The following BTBD9 variants were observed in gnomAD, a reference collection of about 807,000 sequenced individuals.
BTBD9 encodes BTB domain containing 9.
BTBD9 carries 49 observed loss-of-function variants against 64.3 expected under a neutral mutation model. The observed-to-expected ratio is 0.76, with a 90% CI of 0.61 to 0.97. The LOEUF is 0.97. BTBD9 is among the 50% of genes least tolerant of loss of function. BTBD9 has a pLI of 0.00. For missense variants in BTBD9, 598 were observed against 762.1 expected (o/e 0.78, Z 2.53); for synonymous variants, 260 against 274.7 (o/e 0.95, Z 0.53).
intron 4 of BTBD9, among the ~76,000 whole-genome samples, chr6:38,591,025 CTCTCTGAATCA>C (rs1040940217): frequency 6.6e-6 from 1 of 152,142 alleles, no homozygotes; most frequent in Non-Finnish European, 1.5e-5. Flanking sequence ...CCTCACTGGT[CTCTCTGAATCA>C]GTTTTCCCCT....
At chr6:38,619,867 A>G (rs1777927437) in intron 1 of BTBD9, among the ~76,000 whole-genome samples, 1 of 152,180 alleles carries the variant, frequency 6.6e-6, no homozygotes, top group Non-Finnish European at 1.5e-5. Flanking sequence ...GTTATGCCTG[A>G]AAGTCCCACA....
intron 9 of BTBD9, among the ~76,000 whole-genome samples, chr6:38,205,747 G>A (rs1203720761): frequency 1.3e-5 from 2 of 151,538 alleles, no homozygotes; most frequent in African/African-American, 4.9e-5. Flanking sequence ...AGCCAGGCAT[G>A]GTGGTGCGCA....
At chr6:38,362,644 T>G (rs1765008880) in intron 6 of BTBD9, among the ~76,000 whole-genome samples, 2 of 152,216 alleles carry the variant, frequency 1.3e-5, no homozygotes, top group African/African-American at 4.8e-5. Flanking sequence ...TTAGACAGTG[T>G]TTCTTTCTTC....
At chr6:38,480,674 T>C (rs536058319) in intron 6 of BTBD9, among the ~76,000 whole-genome samples, 7 of 152,314 alleles carry the variant, frequency 4.6e-5, no homozygotes, top group Middle Eastern at 3.4e-3. Flanking sequence ...CCCACTGTTC[T>C]AAGTAATGGA....
At position 38,598,217 on chromosome 6, in the gene BTBD9, C is replaced by T. The variant is rs139144349; in HGVS notation, c.-27-96G>A. On this transcript the variant is annotated intron_variant, in intron 1 of 10. Coordinates refer to ENST00000481247, the MANE Select transcript of BTBD9 (RefSeq NM_001099272.2). Reference sequence around the variant, plus strand: ...CACAGCTAAGTAAAAATTTAAAGTGCTTAGAAAAATTCCTATGAGAGAGTT... The same window carrying T: ...CACAGCTAAGTAAAAATTTAAAGTGTTTAGAAAAATTCCTATGAGAGAGTT... 2,967 of 934,860 alleles carry T rather than the reference C, an allele frequency of 3.2e-3. 9 individuals are homozygous for T. Among genetic ancestry groups the T allele is most frequent in the Non-Finnish European group, 4.2e-3 (2,700 of 636,200 alleles). The allele number at this position is 934,860 out of a possible 1,614,324, so 57.9% of individuals were successfully genotyped here. A position where few individuals can be genotyped will look rare whatever the true frequency, so the allele number is the denominator to read the frequency against.
intron 7 of BTBD9, among the ~76,000 whole-genome samples, chr6:38,324,587 G>T (rs1562025066): frequency 6.6e-6 from 1 of 152,156 alleles, no homozygotes; most frequent in East Asian, 1.9e-4. Context: ...GCTTGTACTA[G>T]GGTAACAGCA....
intron 7 of BTBD9, among the ~76,000 whole-genome samples, chr6:38,297,534 G>A (rs758138053): frequency 6.6e-6 from 1 of 151,974 alleles, no homozygotes; most frequent in Non-Finnish European, 1.5e-5. Context: ...ATTACTGTTC[G>A]TTATTCTTAA....
intron 6 of BTBD9, among the ~76,000 whole-genome samples, chr6:38,412,794 G>C (rs1011954210): frequency 2.0e-5 from 3 of 152,088 alleles, no homozygotes; most frequent in African/African-American, 7.2e-5. Context: ...AGGAGGTGGA[G>C]GTTGCAGTGA....
At chr6:38,449,980 C>T (rs1205850615) in intron 6 of BTBD9, among the ~76,000 whole-genome samples, 1 of 152,124 alleles carries the variant, frequency 6.6e-6, no homozygotes, top group African/African-American at 2.4e-5. Flanking sequence ...TATGTTCATT[C>T]CAGCACTATT....
At chr6:38,580,162 C>T (rs1414633145) in intron 5 of BTBD9, 56 bp downstream of exon 5, 7 of 1,515,662 alleles carry the variant, frequency 4.6e-6, no homozygotes, top group Non-Finnish European at 6.4e-6. Flanking sequence ...TAGATGACCA[C>T]AAAGCTAAGT....
chr6:38,306,846 A>G (rs183250727), intron 7 of BTBD9, among the ~76,000 whole-genome samples: 1 of 152,340 alleles, frequency 6.6e-6, no homozygotes, highest in African/African-American at 2.4e-5. Context: ...GCAGTTACAG[A>G]GGACTGTCAT....
At chr6:38,524,815 T>A (rs1773414287) in intron 6 of BTBD9, among the ~76,000 whole-genome samples, 1 of 152,238 alleles carries the variant, frequency 6.6e-6, no homozygotes, top group East Asian at 1.9e-4. Flanking sequence ...TTTTCAAGAC[T>A]CACAATAAAG....
chr6:38,443,197 G>C (rs970906778), intron 6 of BTBD9, among the ~76,000 whole-genome samples: 1 of 152,152 alleles, frequency 6.6e-6, no homozygotes, highest in Admixed American at 6.5e-5. Context: ...AAAAATTCAG[G>C]CTGCTGTGAG....
At chr6:38,414,110 CTTATCT>C (rs1159099328) in intron 6 of BTBD9, among the ~76,000 whole-genome samples, 9 of 152,134 alleles carry the variant, frequency 5.9e-5, no homozygotes, top group Admixed American at 5.9e-4. Context: ...CATTTATTAC[CTTATCT>C]TTATGTTTGT....
intron 6 of BTBD9, among the ~76,000 whole-genome samples, chr6:38,488,466 G>A (rs1394020823): frequency 3.9e-5 from 6 of 152,166 alleles, no homozygotes; most frequent in Non-Finnish European, 7.3e-5. Flanking sequence ...CTCTAGCTCC[G>A]TAAATGAAGA....
chr6:38,423,970 C>T (rs1170370215), intron 6 of BTBD9, among the ~76,000 whole-genome samples: 2 of 151,828 alleles, frequency 1.3e-5, no homozygotes, highest in Admixed American at 1.3e-4. Context: ...CTTTCAGAGG[C>T]TTGGTTTCCT....
intron 4 of BTBD9, among the ~76,000 whole-genome samples, chr6:38,586,359 A>G (rs1228601488): frequency 6.6e-6 from 1 of 152,088 alleles, no homozygotes; most frequent in Non-Finnish European, 1.5e-5. Context: ...AGTCTAAACT[A>G]CCTTCCAGAA....
chr6:38,537,120 T>A (rs1378517051), intron 6 of BTBD9, among the ~76,000 whole-genome samples: 2 of 152,118 alleles, frequency 1.3e-5, no homozygotes, highest in Non-Finnish European at 2.9e-5. Flanking sequence ...CCCACAAAAA[T>A]TAAAAATAAT....
At chr6:38,258,312 G>A (rs577739006) in intron 8 of BTBD9, among the ~76,000 whole-genome samples, 1 of 152,144 alleles carries the variant, frequency 6.6e-6, no homozygotes, top group Non-Finnish European at 1.5e-5. Context: ...AAAATAATCT[G>A]AGCATTGCAG....
Sources: allele counts gnomAD v4.1 joint callset (sites outside exome capture counted in the v4.1 genomes callset), GRCh38; gene constraint gnomAD v4.1.1; transcripts MANE v1.5; gene names NCBI Gene and HGNC (gene_info 2026-07-23, HGNC 2026-07-21).